Variants in VAV3 observed in about 807,000 individuals in gnomAD.
VAV3 encodes the protein guanine nucleotide exchange factor VAV3.
Under a neutral mutation model 131.2 loss-of-function variants are expected in VAV3, and 94 were observed. The observed-to-expected ratio is 0.72, with a 90% CI of 0.61 to 0.85. The LOEUF (loss-of-function observed/expected upper bound fraction) is 0.85. Ranked by LOEUF, VAV3 falls within the 40% of genes least tolerant of loss-of-function variation. The pLI is 0.00. For missense variants in VAV3, 939 were observed against 1,002.7 expected (o/e 0.94, Z 0.86); for synonymous variants, 349 against 342.0 (o/e 1.02, Z -0.22).
intron 1 of VAV3, among the ~76,000 whole-genome samples, chr1:107,918,456 G>A (rs1759042): frequency 0.6 from 91,670 of 151,666 alleles, 29,623 homozygotes; most frequent in Middle Eastern, 0.76. Context: ...AACCTGGATT[G>A]TTGCAAACCA....
chr1:107,772,665 A>G, intron 5 of VAV3, 70 bp downstream of exon 5: 1 of 1,328,542 alleles, frequency 7.5e-7, no homozygotes, highest in East Asian at 2.4e-5. Flanking sequence ...ATGTTACATA[A>G]ATTATTATGT....
chr1:107,581,869 G>A lies in VAV3; in HGVS notation c.2351-7671C>T, dbSNP rs546037660. ...GAAACCAACCTAATCGACACTCTTCGTTCAGGTACTAGTTATCAAATCCTA... is the reference window on the plus strand; with the variant it reads ...GAAACCAACCTAATCGACACTCTTCATTCAGGTACTAGTTATCAAATCCTA... On this transcript the variant is annotated intron_variant, in intron 25 of 26. Coordinates refer to ENST00000370056, the MANE Select transcript of VAV3 (RefSeq NM_006113.5). Among the ~76,000 whole-genome samples the A allele has an allele frequency of 3.9e-5, 6 of 152,284 alleles. No individual in the cohort carries two copies. The East Asian group carries it at 7.7e-4, about 20-fold the overall frequency.
intron 1 of VAV3, among the ~76,000 whole-genome samples, chr1:107,959,032 C>T (rs201733308): frequency 5.3e-5 from 8 of 152,198 alleles, no homozygotes; most frequent in South Asian, 4.2e-4. Context: ...GAGGCCAAGG[C>T]GGCCTGATGA....
At chr1:107,633,733 A>T (rs1425373956) in intron 20 of VAV3, among the ~76,000 whole-genome samples, 1 of 152,020 alleles carries the variant, frequency 6.6e-6, no homozygotes, top group Non-Finnish European at 1.5e-5. Context: ...CCACTTTTAC[A>T]CTCTTGGGAG....
chr1:107,597,951 T>C (rs2101079733), intron 24 of VAV3, among the ~76,000 whole-genome samples: 1 of 152,276 alleles, frequency 6.6e-6, no homozygotes, highest in South Asian at 2.1e-4. Context: ...AGCTCAAATA[T>C]CAGTGAGGTG....
intron 15 of VAV3, among the ~76,000 whole-genome samples, chr1:107,724,638 C>T (rs553487508): frequency 6.6e-6 from 1 of 152,014 alleles, no homozygotes; most frequent in African/African-American, 2.4e-5. Flanking sequence ...GGGGGTGGCA[C>T]AGGAAAAGGG....
intron 2 of VAV3, among the ~76,000 whole-genome samples, chr1:107,847,836 G>C (rs185117203): frequency 1.1e-3 from 170 of 152,236 alleles, no homozygotes; most frequent in Non-Finnish European, 2.0e-3. Context: ...AATTCTACCA[G>C]AGGTACAAAG....
chr1:107,939,524 T>A (rs1286328371), intron 1 of VAV3, among the ~76,000 whole-genome samples: 1 of 152,196 alleles, frequency 6.6e-6, no homozygotes, highest in African/African-American at 2.4e-5. Context: ...TACTCTACAA[T>A]GTAACTGTGA....
At position 107,740,093 on chromosome 1, in the gene VAV3, C is replaced by T. The variant is rs557313988; in HGVS notation, c.1502+8875G>A. Among the ~76,000 whole-genome samples, 60 of 152,304 alleles carry T rather than the reference C, an allele frequency of 3.9e-4. 1 individual carries two copies. Among genetic ancestry groups the T allele is most frequent in the African/African-American group, 1.4e-3 (60 of 41,572 alleles). ...CCTGAGGTCAGAAGTTTGAGACCAGCCTGGCCAACATGGCAAAACCCTGTC... is the reference window on the plus strand; with the variant it reads ...CCTGAGGTCAGAAGTTTGAGACCAGTCTGGCCAACATGGCAAAACCCTGTC... On this transcript the variant is annotated intron_variant, in intron 15 of 26. Coordinates refer to ENST00000370056, the MANE Select transcript of VAV3 (RefSeq NM_006113.5).
chr1:107,783,701 T>A (rs1665824965), intron 2 of VAV3, among the ~76,000 whole-genome samples: 1 of 152,024 alleles, frequency 6.6e-6, no homozygotes, highest in African/African-American at 2.4e-5. Flanking sequence ...ACCCCGGACA[T>A]AACTCCACCG....
At chr1:107,585,214 C>T (rs984308973) in intron 25 of VAV3, among the ~76,000 whole-genome samples, 3 of 152,168 alleles carry the variant, frequency 2.0e-5, no homozygotes, top group African/African-American at 7.2e-5. Flanking sequence ...TCTGATGTGT[C>T]ATAATATCCT....
At chr1:107,820,506 C>A (rs547418884) in intron 2 of VAV3, among the ~76,000 whole-genome samples, 1 of 150,328 alleles carries the variant, frequency 6.7e-6, no homozygotes, top group Admixed American at 6.7e-5. Flanking sequence ...ATAATAGTTA[C>A]AAAAATAGAG....
intron 17 of VAV3, among the ~76,000 whole-genome samples, chr1:107,699,956 G>A (rs1013022796): frequency 1.5e-4 from 23 of 152,134 alleles, no homozygotes; most frequent in African/African-American, 5.1e-4. Context: ...GGTGGGCCAG[G>A]ATGATCACAC....
At chr1:107,877,044 A>ACCC (rs966447152) in intron 1 of VAV3, among the ~76,000 whole-genome samples, 2 of 152,130 alleles carry the variant, frequency 1.3e-5, no homozygotes, top group Non-Finnish European at 2.9e-5. Context: ...GACACACTTT[A>ACCC]CCCTTCACGG....
intron 19 of VAV3, among the ~76,000 whole-genome samples, chr1:107,674,647 T>C (rs931051721): frequency 1.3e-5 from 2 of 152,202 alleles, no homozygotes; most frequent in African/African-American, 2.4e-5. Context: ...ACCCACCAAG[T>C]GCTGTGTGAC....
intron 2 of VAV3, among the ~76,000 whole-genome samples, chr1:107,787,545 T>C (rs1666074137): frequency 6.6e-6 from 1 of 152,138 alleles, no homozygotes; most frequent in South Asian, 2.1e-4. Flanking sequence ...CACCTGGACA[T>C]TTGCCAGACT....
chr1:107,930,668 T>C (rs1673388992), intron 1 of VAV3, among the ~76,000 whole-genome samples: 1 of 152,164 alleles, frequency 6.6e-6, no homozygotes, highest in Non-Finnish European at 1.5e-5. Context: ...TAAAAAATTG[T>C]TTTAGGCAAA....
At chr1:107,611,664 A>C (rs1652745901) in intron 21 of VAV3, among the ~76,000 whole-genome samples, 1 of 152,160 alleles carries the variant, frequency 6.6e-6, no homozygotes, top group Admixed American at 6.6e-5. Flanking sequence ...GAATTTCAAA[A>C]TATTCTGGCT....
chr1:107,580,459 G>A (rs1649961219), intron 25 of VAV3, among the ~76,000 whole-genome samples: 1 of 151,820 alleles, frequency 6.6e-6, no homozygotes, highest in South Asian at 2.1e-4. Flanking sequence ...ATTAAATACT[G>A]TATGTCTCAC....
Sources: gnomAD v4.1 joint callset for allele counts (sites outside exome capture counted in the v4.1 genomes callset) on GRCh38, gnomAD v4.1.1 for gene constraint, MANE v1.5 for transcripts, NCBI Gene and HGNC (gene_info 2026-07-23, HGNC 2026-07-21) for gene names.